The following GPATCH1 variants were observed in gnomAD, a reference collection of about 807,000 sequenced individuals.
The protein encoded by GPATCH1 is G-patch domain containing 1, also known as G patch domain-containing protein 1.
GPATCH1 carries 73 observed loss-of-function variants against 114.9 expected under a neutral mutation model. The observed-to-expected ratio is 0.64, with a 90% CI of 0.53 to 0.77. The LOEUF is 0.77. GPATCH1 is among the 30% of genes least tolerant of loss of function. GPATCH1 has a pLI of 0.00. For synonymous variants in GPATCH1, 391 were observed against 428.4 expected, an observed-to-expected ratio of 0.91 and a Z score of 1.08; for missense variants, 1,058 against 1,144.3, an observed-to-expected ratio of 0.92 and a Z score of 1.09.
intron 19 of GPATCH1, among the ~76,000 whole-genome samples, 188 bp from the exon 20 acceptor site, chr19:33,129,942 C>T (rs1409490940): frequency 9.3e-6 from 1 of 107,080 alleles, no homozygotes; most frequent in African/African-American, 6.4e-5. Context: ...GAGACTCCAT[C>T]TCGGGGGAAA....
intron 9 of GPATCH1, among the ~76,000 whole-genome samples, chr19:33,104,670 A>G (rs1485359653): frequency 1.3e-5 from 2 of 151,568 alleles, no homozygotes; most frequent in African/African-American, 4.9e-5. Flanking sequence ...TATAGTTACA[A>G]CTCCTCAGGC....
rs141437478 is a variant in GPATCH1, at chr19:33,111,852, G to A, written c.1714G>A (p.Ala572Thr). Reference sequence around the variant, plus strand: ...GACCTTGTCCTCCAGGTTCACTCACGCCAAGGAGGAGGATGACTCAGATCA... The same window carrying A: ...GACCTTGTCCTCCAGGTTCACTCACACCAAGGAGGAGGATGACTCAGATCA... ...HSTLSSRFTH[A>T]KEEDDSDQVE... Residue 572 changes from alanine to threonine, a missense_variant, in exon 12 of 20, where the codon GCC (alanine) becomes ACC (threonine). Around this residue, in one of 3 missense-constraint regions of GPATCH1, gnomAD observed 893 missense variants for 977.4 expected, o/e 0.91. Transcript: ENST00000170564. The A allele has an allele frequency of 4.3e-6, 7 of 1,613,964 alleles. No homozygotes were observed. Among genetic ancestry groups the A allele is most frequent in the South Asian group, 1.1e-5 (1 of 91,080 alleles).
chr19:33,112,454 C>T (rs1029418723), intron 12 of GPATCH1, 32 bp from the exon 13 acceptor site: 7 of 1,612,216 alleles, frequency 4.3e-6, no homozygotes, highest in Admixed American at 1.7e-5. Flanking sequence ...GGTGCGGCCA[C>T]TTGATGGAAC....
intron 1 of GPATCH1, among the ~76,000 whole-genome samples, chr19:33,081,498 T>A (rs905861787): frequency 2.0e-5 from 3 of 150,902 alleles, no homozygotes; most frequent in African/African-American, 7.3e-5. Context: ...GGCGGCGAGA[T>A]AGAAACAAGA....
In GPATCH1 at chr19:33,094,236, C is replaced by G; in HGVS notation, c.520C>G (p.Arg174Gly). Reference protein sequence around the residue: ...GWKEGQGVGPRVKRRPRRQKP... With the variant: ...GWKEGQGVGPGVKRRPRRQKP... The stretch of plus-strand genomic sequence containing the variant: ...GAAAGAAGGACAAGGAGTTGGTCCT[C>G]GAGTAAAGAGACGGCCACGCCGACA... Residue 174 changes from arginine to glycine, a missense_variant, in exon 5 of 20, where the codon CGA (arginine) becomes GGA (glycine). Arg to Gly is a moderately radical substitution (Grantham distance 125, BLOSUM62 -2). Coordinates refer to ENST00000170564, the MANE Select transcript of GPATCH1 (RefSeq NM_018025.3). 6.2e-7 allele frequency: 1 copy of G among 1,607,550 alleles called. No homozygotes were observed. Among genetic ancestry groups the G allele is most frequent in the South Asian group, 1.1e-5 (1 of 90,938 alleles).
At chr19:33,103,664 G>T (rs1368581245) in intron 9 of GPATCH1, among the ~76,000 whole-genome samples, 1 of 150,446 alleles carries the variant, frequency 6.6e-6, no homozygotes, top group Non-Finnish European at 1.5e-5. Flanking sequence ...TTGTGCCACT[G>T]CACGTCTAGC....
rs190081922 is a variant in GPATCH1, at chr19:33,109,048, G to A, written c.1286-669G>A. On this transcript the variant is annotated intron_variant, in intron 10 of 19. Transcript: ENST00000170564. ...AGCTTGGGAAACATGGCGTAATCCC[G>A]TCTACAAAAAATACAAAAAGTAGTC... 2.6e-3 allele frequency among the ~76,000 whole-genome samples: 400 copies of A among 151,962 alleles called. 2 individuals carry two copies. Among genetic ancestry groups the A allele is most frequent in the African/African-American group, 9.3e-3 (385 of 41,474 alleles).
intron 9 of GPATCH1, among the ~76,000 whole-genome samples, chr19:33,106,329 G>C (rs1304129805): frequency 6.6e-6 from 1 of 152,094 alleles, no homozygotes; most frequent in Non-Finnish European, 1.5e-5. Flanking sequence ...GCTTTGAATG[G>C]TACTTTTTCT....
intron 15 of GPATCH1, among the ~76,000 whole-genome samples, chr19:33,116,828 CA>C (rs1972921376): frequency 6.6e-6 from 1 of 152,034 alleles, no homozygotes; most frequent in Non-Finnish European, 1.5e-5. Flanking sequence ...TGCGCATGGC[CA>C]ATTTTTTTTT....
At position 33,111,717 on chromosome 19, in the gene GPATCH1, C is replaced by T; in HGVS notation, c.1586-7C>T. On this transcript the variant is annotated splice_polypyrimidine_tract_variant and splice_region_variant and intron_variant, in intron 11 of 19. Transcript: ENST00000170564. ...GTGAAGCTGCTTCTTGTTCTCTGCCCCCGCAGATGCTCTGGAACGCTGTCT... is the reference window on the plus strand; with the variant it reads ...GTGAAGCTGCTTCTTGTTCTCTGCCTCCGCAGATGCTCTGGAACGCTGTCT... 1 of 1,612,798 alleles carries T rather than the reference C, an allele frequency of 6.2e-7. No individual in the cohort carries two copies.
chr19:33,091,306 C>T (rs1042849838), intron 3 of GPATCH1, among the ~76,000 whole-genome samples: 3 of 147,144 alleles, frequency 2.0e-5, no homozygotes, highest in Non-Finnish European at 3.0e-5. Context: ...CCCAGCTACT[C>T]GGGAGGCTGA....
chr19:33,083,387 C>G (rs1334230417), intron 1 of GPATCH1, among the ~76,000 whole-genome samples: 4 of 150,534 alleles, frequency 2.7e-5, no homozygotes, highest in African/African-American at 4.9e-5. Context: ...TGGCCCCAAC[C>G]ATGTTTTTGT....
At chr19:33,092,613 A>G (rs1972608817) in intron 3 of GPATCH1, among the ~76,000 whole-genome samples, 1 of 152,222 alleles carries the variant, frequency 6.6e-6, no homozygotes, top group Non-Finnish European at 1.5e-5. Context: ...CTGCAAGGAA[A>G]GAGGAAACGT....
chr19:33,082,195 TG>T (rs1475718600), intron 1 of GPATCH1, among the ~76,000 whole-genome samples: 2 of 152,082 alleles, frequency 1.3e-5, no homozygotes, highest in Admixed American at 6.6e-5. Context: ...TACTTGCTGG[TG>T]GAATGTGGGG....
At chr19:33,088,388 AG>A (rs1384471082) in intron 2 of GPATCH1, 120 bp downstream of exon 2, 1 of 727,978 alleles carries the variant, frequency 1.4e-6, no homozygotes, top group African/African-American at 1.9e-5. Flanking sequence ...TCTGTCGCCC[AG>A]GCTGGAGTGC....
At chr19:33,091,960 C>T (rs1454940171) in intron 3 of GPATCH1, among the ~76,000 whole-genome samples, 2 of 152,060 alleles carry the variant, frequency 1.3e-5, no homozygotes, top group African/African-American at 2.4e-5. Flanking sequence ...TACCTCTCCT[C>T]ATGATTGCAA....
intron 9 of GPATCH1, among the ~76,000 whole-genome samples, chr19:33,101,932 G>A (rs182530344): frequency 2.0e-5 from 3 of 151,972 alleles, no homozygotes; most frequent in Non-Finnish European, 4.4e-5. Context: ...GGGAGGCTGA[G>A]GTGGGAGAAT....
intron 18 of GPATCH1, 138 bp from the exon 19 acceptor site, chr19:33,126,450 C>G: frequency 1.6e-6 from 2 of 1,278,776 alleles, no homozygotes; most frequent in Non-Finnish European, 2.1e-6. Flanking sequence ...GTTAGGCTCT[C>G]ACTCTCACTC....
chr19:33,093,571 G>T, intron 4 of GPATCH1, 52 bp downstream of exon 4: 1 of 1,506,934 alleles, frequency 6.6e-7, no homozygotes, highest in Non-Finnish European at 9.1e-7. Context: ...TTTTGCATAT[G>T]TGTGATTCTC....
Sources: allele counts gnomAD v4.1 joint callset (sites outside exome capture counted in the v4.1 genomes callset), GRCh38; gene constraint gnomAD v4.1.1; regional missense constraint gnomAD v4.1.1; transcripts MANE v1.5; gene names NCBI Gene and HGNC (gene_info 2026-07-23, HGNC 2026-07-21).